Variants in HMCN1 observed in about 807,000 individuals in gnomAD.
HMCN1 encodes hemicentin-1.
HMCN1 carries 321 observed loss-of-function variants against 625.9 expected under a neutral mutation model. The ratio of observed to expected loss-of-function variants is 0.51; its 90% confidence interval spans 0.47 to 0.56. HMCN1 has a LOEUF of 0.56. Ranked by LOEUF, HMCN1 falls within the 20% of genes least tolerant of loss-of-function variation. HMCN1 has a pLI of 0.00. For missense variants in HMCN1, 6,588 were observed against 6,887.3 expected, an observed-to-expected ratio of 0.96 and a Z score of 1.54; for synonymous variants, 2,425 against 2,417.6, an observed-to-expected ratio of 1.00 and a Z score of -0.09.
intron 11 of HMCN1, among the ~76,000 whole-genome samples, chr1:185,938,710 C>T (rs1667938749): frequency 6.6e-6 from 1 of 152,204 alleles, no homozygotes; most frequent in Middle Eastern, 3.4e-3. Context: ...TGGCCCTTCA[C>T]CATCACTTTA....
At chr1:185,874,551 C>A (rs577765297) in intron 4 of HMCN1, among the ~76,000 whole-genome samples, 20 of 152,066 alleles carry the variant, frequency 1.3e-4, no homozygotes, top group African/African-American at 4.6e-4. Context: ...GTATGAGCTA[C>A]TTTTGAGAGC....
At chr1:185,909,064 C>T (rs1315412054) in intron 4 of HMCN1, among the ~76,000 whole-genome samples, 1 of 151,878 alleles carries the variant, frequency 6.6e-6, no homozygotes, top group African/African-American at 2.4e-5. Flanking sequence ...TGCATGTCTC[C>T]CCTCACTGGT....
At chr1:186,181,556 T>C (rs1652932564) in intron 104 of HMCN1, among the ~76,000 whole-genome samples, 1 of 152,136 alleles carries the variant, frequency 6.6e-6, no homozygotes, top group South Asian at 2.1e-4. Flanking sequence ...AGAAGTTAAA[T>C]GGCCTGCCAA....
intron 85 of HMCN1, 90 bp downstream of exon 85, chr1:186,130,787 C>CA: frequency 9.2e-7 from 1 of 1,091,710 alleles, no homozygotes; most frequent in Non-Finnish European, 1.4e-6. Flanking sequence ...ATTTCTCTTA[C>CA]ATTCCTATTT....
intron 1 of HMCN1, among the ~76,000 whole-genome samples, chr1:185,759,197 C>A (rs937913266): frequency 6.6e-6 from 1 of 152,130 alleles, no homozygotes; most frequent in Non-Finnish European, 1.5e-5. Context: ...TTCCTTCTTG[C>A]CATATGAACA....
chr1:186,117,073 G>A lies in HMCN1; in HGVS notation c.11641G>A (p.Gly3881Ser), dbSNP rs779380704. 1.7e-5 allele frequency: 27 copies of A among 1,613,442 alleles called. No individual in the cohort carries two copies. Among genetic ancestry groups the A allele is most frequent in the Middle Eastern group, 1.7e-4 (1 of 6,058 alleles). Residue 3881 changes from glycine to serine, a missense_variant, in exon 76 of 107, where the codon GGT (glycine) becomes AGT (serine). Physicochemically the swap from Gly to Ser is moderately conservative, Grantham distance 56. This residue lies in a region of HMCN1 where 4,628 missense variants were observed against 4,853.1 expected (regional missense o/e 0.95). Transcript: ENST00000271588. ...AACCTATGAATGTACTGTGACAAAC[G>A]GTGCTGGAGATGATAAAAGAACTGT... is the stretch of plus-strand genomic sequence containing the variant. ...TATYECTVTN[G>S]AGDDKRTVDL...
At position 186,057,224 on chromosome 1, in the gene HMCN1, T is replaced by C. The variant is rs1359810945; in HGVS notation, c.7145-10T>C. 6.2e-7 allele frequency: 1 copy of C among 1,607,884 alleles called. No individual in the cohort carries two copies. The highest frequency in any genetic ancestry group is 1.7e-5 in the Admixed American group (1 of 59,748). The stretch of plus-strand genomic sequence containing the variant: ...TTTCCATTCCCTGTTTGTTTTATTT[T>C]GTCTTACAGCTCCTCCAAGCATCAT... On this transcript the variant is annotated splice_polypyrimidine_tract_variant and intron_variant, in intron 45 of 106. Coordinates refer to ENST00000271588, the MANE Select transcript of HMCN1 (RefSeq NM_031935.3).
At chr1:186,087,355 ATTCTT>A in intron 59 of HMCN1, 25 bp downstream of exon 59, 1 of 1,603,836 alleles carries the variant, frequency 6.2e-7, no homozygotes, top group South Asian at 1.1e-5. Context: ...TCTTCATAAA[ATTCTT>A]TTATTTTAAA....
Position 186,001,660 on chromosome 1 carries a change from C to T in HMCN1, c.4267C>T (p.Pro1423Ser), listed in dbSNP as rs1259235145. The change falls in exon 28 of 107, where the codon CCA becomes TCA. Residue 1423 changes from proline (P) to serine (S), a missense_variant. Pro to Ser is a moderately conservative substitution (Grantham distance 74). Coordinates refer to ENST00000271588, the MANE Select transcript of HMCN1 (RefSeq NM_031935.3). ...GKILKLFRAT[P>S]EDAGRYSCKA... ...GATACTGAAGCTCTTCAGAGCCACT[C>T]CAGAGGATGCAGGAAGATATTCCTG... The T allele has an allele frequency of 6.2e-7, 1 of 1,612,560 alleles. No individual in the cohort carries two copies. Among genetic ancestry groups the T allele is most frequent in the Non-Finnish European group, 8.5e-7 (1 of 1,178,950 alleles).
intron 43 of HMCN1, 110 bp downstream of exon 43, chr1:186,053,184 C>A: frequency 2.0e-6 from 2 of 1,018,644 alleles, no homozygotes; most frequent in Non-Finnish European, 3.0e-6. Flanking sequence ...GGTTTGCATA[C>A]TAAATGCTAG....
chr1:185,892,961 A>G (rs539590521), intron 4 of HMCN1, among the ~76,000 whole-genome samples: 263 of 152,174 alleles, frequency 1.7e-3, no homozygotes, highest in African/African-American at 6.2e-3. Context: ...GCAATCAGCG[A>G]GACTCCGTGG....
chr1:186,020,237 T>TGATAGATAGATAGATAGATA (rs4007525), intron 35 of HMCN1, among the ~76,000 whole-genome samples: 42 of 149,976 alleles, frequency 2.8e-4, no homozygotes, highest in East Asian at 3.9e-4. Flanking sequence ...AGTAGATTGA[T>TGATAGATAGATAGATAGATA]GATAGATAGA....
intron 17 of HMCN1, 117 bp downstream of exon 17, chr1:185,981,190 A>C: frequency 1.4e-6 from 1 of 711,656 alleles, no homozygotes; most frequent in South Asian, 1.5e-5. Flanking sequence ...ACTAATTACT[A>C]GACCAGCCTT....
In HMCN1 at chr1:186,016,181, A is replaced by G; in HGVS notation, c.5133A>G (p.Ile1711Met). 1 of 1,613,438 alleles carries G rather than the reference A, an allele frequency of 6.2e-7. No individual in the cohort carries two copies. Among genetic ancestry groups the G allele is most frequent in the Non-Finnish European group, 8.5e-7 (1 of 1,179,514 alleles). ...SAQEIDRGQY[I>M]CVATSVAGEK... Reference sequence around the variant, plus strand: ...AAGAAATTGATCGAGGACAGTACATATGCGTGGCTACCAGTGTGGCAGGAG... The same window carrying G: ...AAGAAATTGATCGAGGACAGTACATGTGCGTGGCTACCAGTGTGGCAGGAG... The change falls in exon 32 of 107, where the codon ATA becomes ATG. Residue 1711 changes from isoleucine to methionine, a missense_variant. Around this residue, in one of 3 missense-constraint regions of HMCN1, gnomAD observed 4,628 missense variants for 4,853.1 expected, o/e 0.95. Coordinates refer to ENST00000271588, the MANE Select transcript of HMCN1 (RefSeq NM_031935.3).
intron 97 of HMCN1, 89 bp downstream of exon 97, chr1:186,154,076 TA>T: frequency 9.8e-7 from 1 of 1,016,998 alleles, no homozygotes; most frequent in Non-Finnish European, 1.5e-6. Flanking sequence ...GGCCTACATC[TA>T]ACATGATATC....
At chr1:185,946,191 A>G (rs1351586860) in intron 11 of HMCN1, among the ~76,000 whole-genome samples, 1 of 152,206 alleles carries the variant, frequency 6.6e-6, no homozygotes, top group African/African-American at 2.4e-5. Flanking sequence ...GATAGATACT[A>G]AGGTAGCAGA....
At chr1:185,839,520 G>A (rs1426499854) in intron 1 of HMCN1, among the ~76,000 whole-genome samples, 1 of 152,074 alleles carries the variant, frequency 6.6e-6, no homozygotes, top group African/African-American at 2.4e-5. Flanking sequence ...TGTTAAAAAT[G>A]TCATCTTACA....
At chr1:185,855,511 CTT>C (rs888325713) in intron 2 of HMCN1, among the ~76,000 whole-genome samples, 4 of 152,054 alleles carry the variant, frequency 2.6e-5, no homozygotes, top group African/African-American at 7.2e-5. Context: ...AATTATGAAA[CTT>C]TTGATTTTTT....
In HMCN1 at chr1:186,106,871, T is replaced by C. The variant is rs766908486; in HGVS notation, c.10771-13T>C. The C allele has an allele frequency of 2.6e-6, 4 of 1,554,474 alleles. No individual in the cohort carries two copies. The highest frequency in any genetic ancestry group is 2.2e-5 in the East Asian group (1 of 44,592). ...ATGTTAACATTATGTAATTCATTAT[T>C]TGGGTTTTGTAGGTGGAGGATACAG... On this transcript the variant is annotated splice_polypyrimidine_tract_variant and intron_variant, in intron 69 of 106. Coordinates refer to ENST00000271588, the MANE Select transcript of HMCN1 (RefSeq NM_031935.3).
Sources: gnomAD v4.1 joint callset for allele counts (sites outside exome capture counted in the v4.1 genomes callset) on GRCh38, gnomAD v4.1.1 for gene constraint, gnomAD v4.1.1 regional missense constraint, MANE v1.5 for transcripts, NCBI Gene and HGNC (gene_info 2026-07-23, HGNC 2026-07-21) for gene names.